Variants in AGMO observed in about 807,000 individuals in gnomAD.
AGMO encodes alkylglycerol monooxygenase.
AGMO carries 75 observed loss-of-function variants against 60.2 expected under a neutral mutation model. That is an observed-to-expected ratio of 1.25 (90% CI 1.03 to 1.51). The LOEUF (loss-of-function observed/expected upper bound fraction) is 1.51, where lower values mean the gene tolerates loss of function less well. Among genes scored for constraint, AGMO ranks in the 40% most tolerant of loss-of-function variants. AGMO has a pLI of 0.00. For synonymous variants in AGMO, 261 were observed against 177.1 expected (o/e 1.47, Z -3.76); for missense variants, 763 against 525.5 (o/e 1.45, Z -4.42).
At chr7:15,286,461 T>C (rs576693628) in intron 12 of AGMO, among the ~76,000 whole-genome samples, 131 of 151,898 alleles carry the variant, frequency 8.6e-4, no homozygotes, top group South Asian at 7.7e-3. Context: ...GGCCAACAAA[T>C]ATATCAAAAA....
At chr7:15,271,311 T>C (rs1433685218) in intron 12 of AGMO, among the ~76,000 whole-genome samples, 1 of 152,120 alleles carries the variant, frequency 6.6e-6, no homozygotes, top group Non-Finnish European at 1.5e-5. Flanking sequence ...ATGGGATATT[T>C]TTCCATTTGT....
chr7:15,156,980 G>A, the AGMO span, among the ~76,000 whole-genome samples: 1 of 152,058 alleles, frequency 6.6e-6, no homozygotes, highest in African/African-American at 2.4e-5. Flanking sequence ...CTTTTAAGTA[G>A]GCTGATTATT....
intron 12 of AGMO, among the ~76,000 whole-genome samples, chr7:15,243,718 T>A (rs1173317342): frequency 6.6e-6 from 1 of 152,112 alleles, no homozygotes; most frequent in Non-Finnish European, 1.5e-5. Context: ...ACCCCAGAAA[T>A]ATACCAATTC....
At chr7:15,275,130 C>T (rs1289804999) in intron 12 of AGMO, among the ~76,000 whole-genome samples, 5 of 151,914 alleles carry the variant, frequency 3.3e-5, no homozygotes, top group African/African-American at 1.2e-4. Context: ...TCTGGAGGTG[C>T]AAAGTTAGGG....
chr7:15,148,099 A>C, the AGMO span, among the ~76,000 whole-genome samples: 3 of 152,066 alleles, frequency 2.0e-5, no homozygotes, highest in Non-Finnish European at 4.4e-5. Flanking sequence ...CTTACTATTT[A>C]TTTAGACTTA....
the AGMO span, among the ~76,000 whole-genome samples, chr7:15,147,816 G>C: frequency 6.6e-6 from 1 of 152,130 alleles, no homozygotes; most frequent in Non-Finnish European, 1.5e-5. Context: ...TAAAAGGCAA[G>C]TCCCTGAAAA....
At chr7:15,424,786 C>T (rs1781014302) in intron 4 of AGMO, among the ~76,000 whole-genome samples, 1 of 152,108 alleles carries the variant, frequency 6.6e-6, no homozygotes, top group African/African-American at 2.4e-5. Flanking sequence ...TTCTTTACTT[C>T]ATGGGGGCTT....
the AGMO span, among the ~76,000 whole-genome samples, chr7:15,157,819 A>G: frequency 6.6e-6 from 1 of 152,170 alleles, no homozygotes; most frequent in Non-Finnish European, 1.5e-5. Context: ...TTCCTTCTGT[A>G]ATACTTGCAA....
the AGMO span, among the ~76,000 whole-genome samples, chr7:15,137,078 C>T: frequency 6.6e-6 from 1 of 152,278 alleles, no homozygotes; most frequent in African/African-American, 2.4e-5. Flanking sequence ...TTACATTCCG[C>T]AGTTGGTTGT....
intron 12 of AGMO, among the ~76,000 whole-genome samples, chr7:15,344,520 C>A (rs894111944): frequency 1.3e-5 from 2 of 152,080 alleles, no homozygotes; most frequent in Admixed American, 1.3e-4. Context: ...GGCAACATGA[C>A]AAACCCGTTT....
At chr7:15,332,821 A>G (rs1300939819) in intron 12 of AGMO, among the ~76,000 whole-genome samples, 2 of 152,144 alleles carry the variant, frequency 1.3e-5, no homozygotes, top group African/African-American at 4.8e-5. Context: ...CTTTTTAAAT[A>G]CATAATGATA....
the AGMO span, among the ~76,000 whole-genome samples, chr7:15,124,600 T>C: frequency 6.6e-6 from 1 of 152,126 alleles, no homozygotes; most frequent in Admixed American, 6.6e-5. Flanking sequence ...CCCAGTCTTC[T>C]GATCTTTAGA....
At chr7:15,505,364 T>C (rs1193049144) in intron 3 of AGMO, among the ~76,000 whole-genome samples, 1 of 151,934 alleles carries the variant, frequency 6.6e-6, no homozygotes, top group African/African-American at 2.4e-5. Context: ...TGTAAGAGAA[T>C]CCAAAGCTAA....
At chr7:15,443,463 C>T (rs1193292528) in intron 3 of AGMO, among the ~76,000 whole-genome samples, 1 of 152,178 alleles carries the variant, frequency 6.6e-6, no homozygotes, top group East Asian at 1.9e-4. Flanking sequence ...TACCTTTAAT[C>T]ATTCCCCTCC....
chr7:15,471,030 C>T (rs1782439266), intron 3 of AGMO, among the ~76,000 whole-genome samples: 1 of 151,932 alleles, frequency 6.6e-6, no homozygotes, highest in South Asian at 2.1e-4. Flanking sequence ...TACATTTGCT[C>T]TCTGGATTTA....
chr7:15,155,681 C>T, the AGMO span, among the ~76,000 whole-genome samples: 3 of 151,836 alleles, frequency 2.0e-5, no homozygotes, highest in Non-Finnish European at 2.9e-5. Context: ...GGAGATAGTG[C>T]GGTCATTTGG....
rs747559671 is a variant in AGMO at position 15,406,221 on chromosome 7, TTTGG to T, written c.610-12046_610-12043del. On this transcript the variant is annotated intron_variant, in intron 5 of 12. Coordinates refer to ENST00000342526, the MANE Select transcript of AGMO (RefSeq NM_001004320.2). ...TCAGAAGACTCAAAAGGCCCCTTTG[TTTGG>T]AATACACACACACACACACACACAC... Among the ~76,000 whole-genome samples the T allele has an allele frequency of 5.7e-4, 73 of 129,044 alleles. 1 individual carries two copies. The highest frequency in any genetic ancestry group is 1.1e-3 in the Non-Finnish European group (67 of 61,580). The allele number at this position is 129,044 out of a possible 152,430, so 84.7% of individuals were successfully genotyped here.
intron 12 of AGMO, among the ~76,000 whole-genome samples, chr7:15,265,461 A>G (rs545088770): frequency 6.6e-6 from 1 of 152,168 alleles, no homozygotes; most frequent in Non-Finnish European, 1.5e-5. Context: ...AAGAAAAAAG[A>G]ACAGAATAGA....
intron 3 of AGMO, among the ~76,000 whole-genome samples, chr7:15,454,138 T>C (rs1236663510): frequency 6.6e-6 from 1 of 151,590 alleles, no homozygotes; most frequent in African/African-American, 2.4e-5. Flanking sequence ...ATTATTTTTC[T>C]CTAGAAAAGT....
Sources: allele counts gnomAD v4.1 joint callset (sites outside exome capture counted in the v4.1 genomes callset), GRCh38; gene constraint gnomAD v4.1.1; transcripts MANE v1.5; gene names NCBI Gene and HGNC (gene_info 2026-07-23, HGNC 2026-07-21).